CFAP46: variants seen among roughly 807,000 people sequenced by gnomAD.
CFAP46 encodes the protein cilia- and flagella-associated protein 46.
Under a neutral mutation model 325.7 loss-of-function variants are expected in CFAP46, and 245 were observed. That is an observed-to-expected ratio of 0.75 (90% CI 0.68 to 0.84). The LOEUF (loss-of-function observed/expected upper bound fraction) is 0.84. Ranked by LOEUF, CFAP46 falls within the 40% of genes least tolerant of loss-of-function variation. The pLI, the probability that CFAP46 is intolerant of heterozygous loss-of-function variation, is 0.00. For synonymous variants in CFAP46, 1,523 were observed against 1,495.9 expected (o/e 1.02, Z -0.42); for missense variants, 3,346 against 3,543.0 (o/e 0.94, Z 1.41).
chr10:132,821,057 G>A (rs1847801301), intron 50 of CFAP46, among the ~76,000 whole-genome samples: 1 of 140,620 alleles, frequency 7.1e-6, no homozygotes, highest in African/African-American at 2.7e-5. Context: ...TGTGTGCTGT[G>A]TGCTGTGAGT....
In CFAP46 at chr10:132,868,194, G is replaced by A. The variant is rs182703829; in HGVS notation, c.4611-687C>T. Among the ~76,000 whole-genome samples the A allele has an allele frequency of 1.6e-4, 24 of 152,286 alleles. No individual in the cohort carries two copies. The East Asian group carries it at 2.1e-3, about 13-fold the overall frequency. ...CCAAGTCGAGGTGCCCCTTGCCGCC[G>A]AGACGTCGCTGCTCCCAGCACACCA... is the stretch of plus-strand genomic sequence containing the variant. On this transcript the variant is annotated intron_variant, in intron 33 of 57. Coordinates refer to ENST00000368586, the MANE Select transcript of CFAP46 (RefSeq NM_001200049.3).
chr10:132,858,938 C>T (rs1224490413), intron 38 of CFAP46, 133 bp downstream of exon 38: 14 of 896,916 alleles, frequency 1.6e-5, no homozygotes, highest in Non-Finnish European at 2.0e-5. Flanking sequence ...CGAGAGCTTC[C>T]CAGGGGAGGG....
chr10:132,890,249 C>G (rs746853701), intron 25 of CFAP46, among the ~76,000 whole-genome samples: 1 of 152,168 alleles, frequency 6.6e-6, no homozygotes, highest in Non-Finnish European at 1.5e-5. Flanking sequence ...GCCCGAGCCA[C>G]GTACTGAAGG....
At chr10:132,852,989 T>A (rs1417819747) in intron 39 of CFAP46, among the ~76,000 whole-genome samples, 2 of 152,272 alleles carry the variant, frequency 1.3e-5, no homozygotes, top group African/African-American at 4.8e-5. Flanking sequence ...AACTATGTTA[T>A]CTGTGAATAA....
chr10:132,836,537 A>G (rs1472136008), intron 45 of CFAP46, among the ~76,000 whole-genome samples: 1 of 152,230 alleles, frequency 6.6e-6, no homozygotes, highest in Non-Finnish European at 1.5e-5. Context: ...TCTCGGCTCC[A>G]CCATAACAGT....
chr10:132,866,801 G>A (rs572913861), intron 34 of CFAP46, among the ~76,000 whole-genome samples: 25 of 152,356 alleles, frequency 1.6e-4, no homozygotes, highest in African/African-American at 4.3e-4. Flanking sequence ...CGGTAACTGC[G>A]TTTTGGGTTA....
chr10:132,873,554 T>C (rs1034558625), intron 31 of CFAP46, among the ~76,000 whole-genome samples: 6 of 152,142 alleles, frequency 3.9e-5, no homozygotes, highest in African/African-American at 1.4e-4. Flanking sequence ...CTCCGCATCG[T>C]GCTGCAGGCT....
At chr10:132,898,755 G>A (rs1401163920) in intron 24 of CFAP46, 2 of 700,690 alleles carry the variant, frequency 2.9e-6, no homozygotes, top group Middle Eastern at 2.3e-4. Flanking sequence ...GAGAGGTCAG[G>A]TCTGAGCACC....
chr10:132,880,777 C>G, intron 28 of CFAP46, 84 bp downstream of exon 28: 8 of 1,462,630 alleles, frequency 5.5e-6, no homozygotes, highest in Non-Finnish European at 7.3e-6. Flanking sequence ...CATGGATACC[C>G]AACGGCGGTC....
chr10:132,926,805 C>A, intron 9 of CFAP46, 139 bp from the exon 10 acceptor site: 1 of 692,266 alleles, frequency 1.4e-6, no homozygotes. Context: ...ACAAAGACAC[C>A]TATGACGCAG....
At chr10:132,910,371 C>G (rs1187849624) in intron 19 of CFAP46, among the ~76,000 whole-genome samples, 1 of 152,248 alleles carries the variant, frequency 6.6e-6, no homozygotes, top group South Asian at 2.1e-4. Context: ...AGCACCCCTC[C>G]CCCACTGCAG....
intron 38 of CFAP46, 92 bp downstream of exon 38, chr10:132,858,979 G>C: frequency 7.3e-7 from 1 of 1,372,682 alleles, no homozygotes. Flanking sequence ...TGCAGCCGGG[G>C]TGAGCCAGGC....
intron 4 of CFAP46, 90 bp from the exon 5 acceptor site, chr10:132,938,843 C>T (rs1339290411): frequency 7.5e-7 from 1 of 1,338,872 alleles, no homozygotes; most frequent in African/African-American, 1.5e-5. Context: ...CTCCGGAGCC[C>T]CTCCCAGGAG....
At position 132,924,739 on chromosome 10, in the gene CFAP46, T is replaced by TCCGCAGGTGGTG. The variant is rs1229609603; in HGVS notation, c.1201_1212dup (p.His401_Arg404dup). On this transcript the variant is annotated inframe_insertion, in exon 11 of 58. Coordinates refer to ENST00000368586, the MANE Select transcript of CFAP46 (RefSeq NM_001200049.3). ...ACGTCCGCAACGCCAGCCAGGGGCT[T>TCCGCAGGTGGTG]CCGCAGGTGGTGCCGCAGGTTGTGC... 6.5e-6 allele frequency: 10 copies of TCCGCAGGTGGTG among 1,539,974 alleles called. No homozygotes were observed. The highest frequency in any genetic ancestry group is 6.0e-5 in the Admixed American group (3 of 49,716).
At position 132,898,996 on chromosome 10, in the gene CFAP46, A is replaced by G; in HGVS notation, c.3182T>C (p.Leu1061Pro). 3 of 1,550,554 alleles carry G rather than the reference A, an allele frequency of 1.9e-6. No homozygotes were observed. Among genetic ancestry groups the G allele is most frequent in the Non-Finnish European group, 1.7e-6 (2 of 1,146,986 alleles). The change falls in exon 24 of 58, where the codon CTC becomes CCC. Residue 1061 changes from leucine (L) to proline (P), a missense_variant. Physicochemically the swap from Leu to Pro is moderately conservative, Grantham distance 98. Coordinates refer to ENST00000368586, the MANE Select transcript of CFAP46 (RefSeq NM_001200049.3). Reference protein sequence around the residue: ...RKKAKGALKRLIGIINKTEAR... With the variant: ...RKKAKGALKRPIGIINKTEAR... ...CTCTGTCTTGTTGATGATGCCGATG[A>G]GCCTCTTCAGGGCACCCTTGGCCTT...
chr10:132,833,137 G>A (rs574547450), intron 50 of CFAP46, among the ~76,000 whole-genome samples: 1 of 151,738 alleles, frequency 6.6e-6, no homozygotes, highest in East Asian at 1.9e-4. Flanking sequence ...ACCATGCCCA[G>A]CTAATTTTAA....
chr10:132,866,138 G>C lies in CFAP46; in HGVS notation c.4777C>G (p.Leu1593Val), dbSNP rs1284519435. 3.3e-6 allele frequency: 5 copies of C among 1,536,836 alleles called. No homozygotes were observed. The highest frequency in any genetic ancestry group is 4.4e-6 in the Non-Finnish European group (5 of 1,141,200). The change falls in exon 35 of 58, where the codon CTG becomes GTG. Residue 1593 changes from leucine to valine, a missense_variant. Coordinates refer to ENST00000368586, the MANE Select transcript of CFAP46 (RefSeq NM_001200049.3). ...LKMNGETGRD[L>V]DGTSFPHLWM... ...AGGTGGGGAAAGGACGTCCCATCCAGGTCCCTCCCGGTCTCCCCATTCATC... is the reference window on the plus strand; with the variant it reads ...AGGTGGGGAAAGGACGTCCCATCCACGTCCCTCCCGGTCTCCCCATTCATC...
chr10:132,852,598 C>T (rs1351357328), intron 39 of CFAP46, among the ~76,000 whole-genome samples: 3 of 152,228 alleles, frequency 2.0e-5, no homozygotes, highest in African/African-American at 7.2e-5. Flanking sequence ...AGATCCTGAT[C>T]CACAGACGCG....
At chr10:132,915,829 G>A (rs4562730) in intron 17 of CFAP46, among the ~76,000 whole-genome samples, 66,715 of 152,072 alleles carry the variant, frequency 0.44, 14,980 homozygotes, top group Admixed American at 0.54. Flanking sequence ...CACGTCCAGC[G>A]TGACGGATTC....
Sources: allele counts gnomAD v4.1 joint callset (sites outside exome capture counted in the v4.1 genomes callset), GRCh38; gene constraint gnomAD v4.1.1; transcripts MANE v1.5; gene names NCBI Gene and HGNC (gene_info 2026-07-23, HGNC 2026-07-21).